ERCC1: variants seen among roughly 807,000 people sequenced by gnomAD.
ERCC1 encodes DNA excision repair protein ERCC-1.
ERCC1 carries 36 observed loss-of-function variants against 37.6 expected under a neutral mutation model. The observed-to-expected ratio is 0.96, with a 90% CI of 0.73 to 1.26. The LOEUF (loss-of-function observed/expected upper bound fraction) is 1.26, where lower values mean the gene tolerates loss of function less well. Ranked by LOEUF, ERCC1 falls within the 50% of genes most tolerant of loss-of-function variation. The pLI is 0.00. For synonymous variants in ERCC1, 156 were observed against 162.1 expected, an observed-to-expected ratio of 0.96 and a Z score of 0.28; for missense variants, 349 against 376.5, an observed-to-expected ratio of 0.93 and a Z score of 0.60.
chr19:45,408,456 C>T lies in ERCC1; in HGVS notation c.*1219G>A. 1.9e-6 allele frequency: 3 copies of T among 1,613,934 alleles called. No individual in the cohort carries two copies. The Middle Eastern group carries it at 4.9e-4, about 266-fold the overall frequency. On this transcript the variant is annotated 3_prime_UTR_variant, in exon 10 of 10. Coordinates refer to ENST00000300853, the MANE Select transcript of ERCC1 (RefSeq NM_001983.4). ...AACCCACCAGTCACAGGGCCTAGGT[C>T]AGCCTTGGCCCCCAACCTGCTCACC...
intron 2 of ERCC1, among the ~76,000 whole-genome samples, chr19:45,421,913 G>A (rs577074306): frequency 7.2e-5 from 11 of 152,114 alleles, no homozygotes; most frequent in African/African-American, 2.4e-4. Flanking sequence ...GATTACAGGT[G>A]TGAGCCACAG....
chr19:45,423,963 G>T, upstream of ERCC1: 1 of 1,075,432 alleles, frequency 9.3e-7, no homozygotes, highest in Non-Finnish European at 1.1e-6. Context: ...ATAGAGCAGG[G>T]CGATCTCTGT....
intron 1 of ERCC1, among the ~76,000 whole-genome samples, chr19:45,441,677 A>ATTT (rs772257774): frequency 1.6e-5 from 2 of 123,086 alleles, no homozygotes; most frequent in Non-Finnish European, 1.7e-5. Flanking sequence ...GTCCAGCCTA[A>ATTT]TTTTTTTTTT....
intron 9 of ERCC1, among the ~76,000 whole-genome samples, chr19:45,412,546 A>G (rs1296075622): frequency 6.6e-6 from 1 of 152,150 alleles, no homozygotes; most frequent in African/African-American, 2.4e-5. Flanking sequence ...ATGTCTTTTG[A>G]GAAATGTTAA....
intron 9 of ERCC1, 171 bp from the exon 10 acceptor site, chr19:45,409,896 T>TTTTA (rs1973598859): frequency 1.3e-5 from 2 of 159,366 alleles, no homozygotes; most frequent in African/African-American, 1.1e-4. Flanking sequence ...ATTATTATTA[T>TTTTA]TTTTTTTTTT....
chr19:45,428,723 CG>C (rs752955725), upstream of ERCC1, among the ~76,000 whole-genome samples: 2 of 152,202 alleles, frequency 1.3e-5, no homozygotes, highest in African/African-American at 2.4e-5. Flanking sequence ...GAGAGCAGCC[CG>C]GCCGAAGGCT....
Position 45,409,309 on chromosome 19 carries a change from G to C in ERCC1, c.*366C>G, listed in dbSNP as rs947154479. 6.2e-7 allele frequency: 1 copy of C among 1,614,106 alleles called. No individual in the cohort carries two copies. Among genetic ancestry groups the C allele is most frequent in the Non-Finnish European group, 8.5e-7 (1 of 1,180,020 alleles). On this transcript the variant is annotated 3_prime_UTR_variant, in exon 10 of 10. Transcript: ENST00000300853. Reference sequence around the variant, plus strand: ...AGCCACTAGAGCCTGAACTGCCAGGGGAGGGACAGCCTGAAGCCAGGGCAA... The same window carrying C: ...AGCCACTAGAGCCTGAACTGCCAGGCGAGGGACAGCCTGAAGCCAGGGCAA...
In ERCC1 at chr19:45,407,712, G is replaced by A. The variant is rs1973428645; in HGVS notation, c.*1963C>T. The A allele has an allele frequency of 4.0e-6, 1 of 247,050 alleles. No individual in the cohort carries two copies. Among genetic ancestry groups the A allele is most frequent in the Non-Finnish European group, 7.8e-6 (1 of 128,066 alleles). The allele number at this position is 247,050 out of a possible 1,614,324, so 15.3% of individuals were successfully genotyped here. ...CAGGCCATAAGCATGAACCTTGTAA[G>A]TGCCTAGCTACTCACTTTAAGATGG... is the stretch of plus-strand genomic sequence containing the variant. On this transcript the variant is annotated 3_prime_UTR_variant, in exon 10 of 10. Coordinates refer to ENST00000300853, the MANE Select transcript of ERCC1 (RefSeq NM_001983.4).
At position 45,419,211 on chromosome 19, in the gene ERCC1, G is replaced by A. The variant is rs753376509; in HGVS notation, c.426-14C>T. 5.1e-6 allele frequency: 8 copies of A among 1,567,104 alleles called. No homozygotes were observed. The highest frequency in any genetic ancestry group is 6.9e-6 in the Non-Finnish European group (8 of 1,151,132). On this transcript the variant is annotated splice_polypyrimidine_tract_variant and intron_variant, in intron 4 of 9. Coordinates refer to ENST00000300853, the MANE Select transcript of ERCC1 (RefSeq NM_001983.4). ...TGGTAGCGGAGGCTGGTGGGGGCAGGGAGCGGGAGTTGAGAGGTCTCAGTC... is the reference window on the plus strand; with the variant it reads ...TGGTAGCGGAGGCTGGTGGGGGCAGAGAGCGGGAGTTGAGAGGTCTCAGTC...
intron 1 of ERCC1, among the ~76,000 whole-genome samples, chr19:45,434,018 G>T (rs1464414601): frequency 6.6e-6 from 1 of 151,796 alleles, no homozygotes; most frequent in Non-Finnish European, 1.5e-5. Context: ...GCATGCGCCT[G>T]TAGTCCCAGC....
rs2123510965 is a variant in ERCC1, at chr19:45,420,327, A to T, written c.422T>A (p.Leu141His). The T allele has an allele frequency of 6.2e-7, 1 of 1,609,054 alleles. No individual in the cohort carries two copies. Among genetic ancestry groups the T allele is most frequent in the Non-Finnish European group, 8.5e-7 (1 of 1,176,270 alleles). The part of the protein sequence containing the change: ...VLGQSTCALF[L>H]SLRYHNLHPD... The stretch of plus-strand genomic sequence containing the variant: ...GGGGTGGCGCCGCAGAGCTCACCTG[A>T]GGAACAGGGCACAGGTGCTCTGGCC... The change falls in exon 4 of 10, where the codon CTC becomes CAC. Residue 141 changes from leucine (L) to histidine (H), a missense_variant. Coordinates refer to ENST00000300853, the MANE Select transcript of ERCC1 (RefSeq NM_001983.4). This position sits in a 1 kb window ranked among gnomAD's most constrained non-coding sequence, Gnocchi z 4.8.
chr19:45,413,545 G>C, intron 9 of ERCC1, 132 bp downstream of exon 9: 1 of 1,610,038 alleles, frequency 6.2e-7, no homozygotes. Flanking sequence ...CAAAATGTTG[G>C]GATTACAGGC....
rs200386912 is a variant in ERCC1, at chr19:45,409,892, A to ATTTTT, written c.844-168_844-167insAAAAA. ...ATCTTTTTAAGTTATTATTATTATT[A>ATTTTT]TTATTTTTTTTTTTTTTGAGATGGA... On this transcript the variant is annotated intron_variant, in intron 9 of 9. Transcript: ENST00000300853. 4.9e-4 allele frequency: 101 copies of ATTTTT among 206,368 alleles called. 1 individual carries two copies. The highest frequency in any genetic ancestry group is 6.1e-4 in the Non-Finnish European group (76 of 123,852). 12.8% of individuals were successfully genotyped at this position (206,368 alleles called of 1,614,324 possible).
At chr19:45,426,545 C>T (rs1974697187), upstream of ERCC1, among the ~76,000 whole-genome samples, 1 of 147,072 alleles carries the variant, frequency 6.8e-6, no homozygotes, top group South Asian at 2.1e-4. Context: ...GAGTGAAACT[C>T]CATCTCAAAA....
At chr19:45,435,505 C>A (rs760689506) in intron 1 of ERCC1, among the ~76,000 whole-genome samples, 1 of 152,180 alleles carries the variant, frequency 6.6e-6, no homozygotes, top group Non-Finnish European at 1.5e-5. Context: ...TTCTGTTACG[C>A]AGGTTGGAGT....
chr19:45,413,769 A>G, intron 8 of ERCC1, 24 bp from the exon 9 acceptor site: 1 of 1,612,118 alleles, frequency 6.2e-7, no homozygotes, highest in African/African-American at 1.3e-5. Flanking sequence ...GCGAGGGGTC[A>G]GGGCAGTTGA....
At chr19:45,414,234 TCGAGGC>T in intron 7 of ERCC1, 200 bp from the exon 8 acceptor site, 1 of 621,596 alleles carries the variant, frequency 1.6e-6, no homozygotes, top group Non-Finnish European at 2.9e-6. Flanking sequence ...CCCAGCACTT[TCGAGGC>T]CGAGGCGGGA....
chr19:45,409,892 A>ATTTTTTTTTT (rs200386912), intron 9 of ERCC1, 167 bp from the exon 10 acceptor site: 84 of 206,410 alleles, frequency 4.1e-4, no homozygotes, highest in Admixed American at 5.3e-4. Context: ...TATTATTATT[A>ATTTTTTTTTT]TTATTTTTTT....
chr19:45,434,372 T>A (rs890223742), intron 1 of ERCC1, among the ~76,000 whole-genome samples: 2 of 149,728 alleles, frequency 1.3e-5, no homozygotes, highest in Admixed American at 1.3e-4. Context: ...GTGCCTGTAG[T>A]CCCACGTACT....
Sources: gnomAD v4.1 joint callset for allele counts (sites outside exome capture counted in the v4.1 genomes callset) on GRCh38, gnomAD v4.1.1 for gene constraint, Gnocchi (gnomAD v3.1) non-coding constraint, MANE v1.5 for transcripts, NCBI Gene and HGNC (gene_info 2026-07-23, HGNC 2026-07-21) for gene names.